ASIC2: variants seen among roughly 807,000 people sequenced by gnomAD.
ASIC2 encodes acid sensing ion channel subunit 2, also known as acid-sensing ion channel 2.
ASIC2 carries 25 observed loss-of-function variants against 57.3 expected under a neutral mutation model. The observed-to-expected ratio is 0.44, with a 90% CI of 0.32 to 0.61. ASIC2 has a LOEUF of 0.61. Among genes scored for constraint, ASIC2 ranks in the 20% least tolerant of loss-of-function variants. The probability of loss-of-function intolerance (pLI) is 0.06; values close to 1 mark genes in which losing one functional copy is unlikely to be tolerated. For synonymous variants in ASIC2, 319 were observed against 307.5 expected (o/e 1.04, Z -0.39); for missense variants, 641 against 738.1 (o/e 0.87, Z 1.52).
At chr17:33,997,566 A>G (rs1906203726) in intron 1 of ASIC2, among the ~76,000 whole-genome samples, 1 of 152,070 alleles carries the variant, frequency 6.6e-6, no homozygotes, top group East Asian at 1.9e-4. Context: ...TAATTTGTTG[A>G]GAGTTTTTAT....
At chr17:34,082,171 G>A (rs1262025704) in intron 1 of ASIC2, 3 of 152,130 alleles carry the variant, frequency 2.0e-5, no homozygotes, top group African/African-American at 7.2e-5. Context: ...TCAAAGTCCA[G>A]GCCAACAGAC....
At chr17:33,378,135 T>A (rs1909347731) in intron 1 of ASIC2, among the ~76,000 whole-genome samples, 1 of 152,242 alleles carries the variant, frequency 6.6e-6, no homozygotes, top group Non-Finnish European at 1.5e-5. Flanking sequence ...TGCGTGATCT[T>A]GAGCATGTCA....
intron 1 of ASIC2, among the ~76,000 whole-genome samples, chr17:33,114,233 T>C (rs931190256): frequency 6.6e-6 from 1 of 152,228 alleles, no homozygotes. Context: ...CAAATATGCT[T>C]TTTCAAAGAA....
At position 33,045,640 on chromosome 17, in the gene ASIC2, T is replaced by G. The variant is rs114891935; in HGVS notation, c.988-17248A>C. On this transcript the variant is annotated intron_variant, in intron 3 of 9. Transcript: ENST00000225823. ...CTTTGTCTTTTCTGGGCCAGGGTCA[T>G]GGCGGGGGCCACCATCTGACCTGCC... Among the ~76,000 whole-genome samples the G allele has an allele frequency of 7.3e-3, 1,101 of 151,530 alleles. 17 individuals are homozygous for G. The highest frequency in any genetic ancestry group is 0.025 in the African/African-American group (1,032 of 41,170).
chr17:33,276,493 C>A (rs1389589425), intron 1 of ASIC2, among the ~76,000 whole-genome samples: 1 of 152,316 alleles, frequency 6.6e-6, no homozygotes, highest in Admixed American at 6.5e-5. Context: ...AAGACAAAAA[C>A]TGATTACTGT....
intron 1 of ASIC2, chr17:33,627,314 T>A (rs1906018587): frequency 6.6e-6 from 1 of 152,234 alleles, no homozygotes; most frequent in African/African-American, 2.4e-5. Flanking sequence ...CCTCTTGATA[T>A]CCCAAATCCA....
At chr17:33,878,335 A>G (rs1055389531) in intron 1 of ASIC2, among the ~76,000 whole-genome samples, 2 of 152,226 alleles carry the variant, frequency 1.3e-5, no homozygotes, top group African/African-American at 4.8e-5. Flanking sequence ...GTTCGAACCC[A>G]TAGCAAACAA....
rs1020399799 is a variant in ASIC2 at position 33,397,024 on chromosome 17, A to G, written c.556-284957T>C. ...CGGCCCAGCACAAATGTCATCAAAC[A>G]CTAGAACTTACAACATATTCCGAGT... On this transcript the variant is annotated intron_variant, in intron 1 of 9. Transcript: ENST00000359872. Among the ~76,000 whole-genome samples the G allele has an allele frequency of 2.6e-5, 4 of 152,362 alleles. 1 individual carries two copies. The Middle Eastern group carries it at 0.01, about 389-fold the overall frequency.
At chr17:33,959,710 C>T (rs141228139) in intron 1 of ASIC2, among the ~76,000 whole-genome samples, 6 of 152,362 alleles carry the variant, frequency 3.9e-5, no homozygotes, top group African/African-American at 1.2e-4. Context: ...TCTAGCCATG[C>T]TGGCAGCTGA....
intron 7 of ASIC2, among the ~76,000 whole-genome samples, chr17:33,020,341 A>G (rs527307091): frequency 6.6e-6 from 1 of 152,286 alleles, no homozygotes; most frequent in East Asian, 1.9e-4. Flanking sequence ...CAGCAAGGTA[A>G]AGCTACTTGC....
intron 1 of ASIC2, among the ~76,000 whole-genome samples, chr17:33,364,041 T>C (rs1908712860): frequency 6.6e-6 from 1 of 152,170 alleles, no homozygotes; most frequent in Non-Finnish European, 1.5e-5. Context: ...CCCAATGCTC[T>C]TGTTTGATGT....
chr17:33,755,308 T>C (rs60037113), intron 1 of ASIC2, among the ~76,000 whole-genome samples: 3,965 of 152,310 alleles, frequency 0.026, 168 homozygotes, highest in African/African-American at 0.084. Flanking sequence ...TACCTTGGTT[T>C]CAGCCCAGTG....
At chr17:33,799,947 G>A (rs1440823412) in intron 1 of ASIC2, among the ~76,000 whole-genome samples, 1 of 152,140 alleles carries the variant, frequency 6.6e-6, no homozygotes, top group Non-Finnish European at 1.5e-5. Flanking sequence ...ACAGGGCATT[G>A]AATAAACAGT....
chr17:33,755,503 A>C (rs1910576400), intron 1 of ASIC2, among the ~76,000 whole-genome samples: 1 of 152,104 alleles, frequency 6.6e-6, no homozygotes, highest in African/African-American at 2.4e-5. Context: ...CACTAAGCTC[A>C]TAGGCTTATG....
intron 1 of ASIC2, among the ~76,000 whole-genome samples, chr17:33,255,500 T>C (rs1014566199): frequency 2.0e-5 from 3 of 150,978 alleles, no homozygotes; most frequent in Non-Finnish European, 4.4e-5. Context: ...CAGGTGACTA[T>C]ATGCTTACAT....
intron 1 of ASIC2, among the ~76,000 whole-genome samples, chr17:33,262,463 G>A (rs924584102): frequency 6.6e-6 from 1 of 151,892 alleles, no homozygotes; most frequent in African/African-American, 2.4e-5. Flanking sequence ...GGGAGGCAAG[G>A]TATGGAAGGG....
At chr17:34,111,828 T>C (rs1911285596) in intron 1 of ASIC2, among the ~76,000 whole-genome samples, 1 of 152,220 alleles carries the variant, frequency 6.6e-6, no homozygotes, top group Non-Finnish European at 1.5e-5. Context: ...TAGAAGAATG[T>C]TCTAGTAAAT....
chr17:34,112,440 T>G (rs1382495842), intron 1 of ASIC2, among the ~76,000 whole-genome samples: 1 of 149,016 alleles, frequency 6.7e-6, no homozygotes, highest in Non-Finnish European at 1.5e-5. Flanking sequence ...CTGCAGATTT[T>G]CAGACGCAAG....
At chr17:33,963,845 T>C (rs1326578291) in intron 1 of ASIC2, among the ~76,000 whole-genome samples, 1 of 152,062 alleles carries the variant, frequency 6.6e-6, no homozygotes, top group Non-Finnish European at 1.5e-5. Context: ...TGAGAAGACA[T>C]TCTTACATTT....
Sources: allele counts gnomAD v4.1 joint callset (sites outside exome capture counted in the v4.1 genomes callset), GRCh38; gene constraint gnomAD v4.1.1; transcripts MANE v1.5; gene names NCBI Gene and HGNC (gene_info 2026-07-23, HGNC 2026-07-21).